CFAP263: variants seen among roughly 807,000 people sequenced by gnomAD.
CFAP263 encodes cilia and flagella associated protein 263, also known as cilia- and flagella-associated protein 263.
the CFAP263 span, chr16:58,258,488 G>A: frequency 6.2e-7 from 1 of 1,614,020 alleles, no homozygotes; most frequent in Non-Finnish European, 8.5e-7. Flanking sequence ...CACTCAGAAA[G>A]TGATGAAATA....
chr16:58,251,201 G>T, the CFAP263 span, among the ~76,000 whole-genome samples: 3 of 152,174 alleles, frequency 2.0e-5, no homozygotes, highest in African/African-American at 4.8e-5. Flanking sequence ...ACCCTAGGAA[G>T]TGGGTAAGGA....
the CFAP263 span, chr16:58,267,677 T>G: frequency 9.2e-6 from 7 of 764,166 alleles, no homozygotes; most frequent in African/African-American, 1.2e-4. Context: ...TAAGCCACCT[T>G]GCTGGTTTAT....
the CFAP263 span, among the ~76,000 whole-genome samples, chr16:58,270,481 A>G: frequency 2.0e-5 from 3 of 152,288 alleles, no homozygotes; most frequent in Admixed American, 6.5e-5. Flanking sequence ...AAAGTAAAAA[A>G]AAAAAACTTA....
the CFAP263 span, chr16:58,280,513 G>A: frequency 5.0e-6 from 8 of 1,614,190 alleles, no homozygotes; most frequent in Non-Finnish European, 6.8e-6. Flanking sequence ...ATCAGAATAT[G>A]TCTTCTGTGT....
At chr16:58,267,030 C>T in the CFAP263 span, among the ~76,000 whole-genome samples, 1 of 152,164 alleles carries the variant, frequency 6.6e-6, no homozygotes, top group Non-Finnish European at 1.5e-5. Flanking sequence ...TAGCACCCAC[C>T]TCATGAGGAG....
At chr16:58,264,609 G>A in the CFAP263 span, among the ~76,000 whole-genome samples, 1 of 152,178 alleles carries the variant, frequency 6.6e-6, no homozygotes, top group South Asian at 2.1e-4. Context: ...GTGTCACCAG[G>A]ATGGTGCTCT....
the CFAP263 span, among the ~76,000 whole-genome samples, chr16:58,263,122 G>A: frequency 6.6e-6 from 1 of 152,180 alleles, no homozygotes; most frequent in Non-Finnish European, 1.5e-5. Context: ...CACACAAAGG[G>A]CCTGGCCCCA....
chr16:58,270,856 C>T, the CFAP263 span, among the ~76,000 whole-genome samples: 1 of 152,154 alleles, frequency 6.6e-6, no homozygotes, highest in African/African-American at 2.4e-5. Context: ...CAGAGTTTGT[C>T]GTATTAACCT....
At chr16:58,258,293 A>G in the CFAP263 span, 1,963 of 1,367,176 alleles carry the variant, frequency 1.4e-3, 42 homozygotes, top group African/African-American at 0.025. Flanking sequence ...AGGCCTGGGA[A>G]CTTAGGTTTT....
the CFAP263 span, chr16:58,259,883 A>G: frequency 6.2e-7 from 1 of 1,602,652 alleles, no homozygotes; most frequent in Non-Finnish European, 8.5e-7. Flanking sequence ...TACGTTTGAA[A>G]AATGTTTCTC....
chr16:58,252,806 C>A, the CFAP263 span: 4 of 1,613,446 alleles, frequency 2.5e-6, 1 homozygote, highest in South Asian at 4.4e-5. Flanking sequence ...GGATCAGCGA[C>A]CTCCACGATT....
the CFAP263 span, among the ~76,000 whole-genome samples, chr16:58,261,473 C>T: frequency 6.6e-6 from 1 of 152,292 alleles, no homozygotes; most frequent in African/African-American, 2.4e-5. Context: ...AACACAGACA[C>T]GGGCCCTGCC....
At chr16:58,276,104 C>T in the CFAP263 span, among the ~76,000 whole-genome samples, 1,229 of 152,022 alleles carry the variant, frequency 8.1e-3, 14 homozygotes, top group African/African-American at 0.028. Context: ...TATAGATCAA[C>T]AAGAAAAAAC....
the CFAP263 span, chr16:58,278,466 G>C: frequency 1.9e-6 from 3 of 1,613,004 alleles, no homozygotes; most frequent in Non-Finnish European, 2.5e-6. Flanking sequence ...GGTGTAACTG[G>C]TCCTTCCCAA....
chr16:58,253,381 A>C, the CFAP263 span, among the ~76,000 whole-genome samples: 1 of 151,894 alleles, frequency 6.6e-6, no homozygotes, highest in Non-Finnish European at 1.5e-5. Flanking sequence ...ACTCTGTCTC[A>C]AAAAAATTAA....
the CFAP263 span, chr16:58,280,119 A>C: frequency 8.5e-7 from 1 of 1,172,370 alleles, no homozygotes; most frequent in Admixed American, 2.3e-5. Flanking sequence ...TATCCGTGGC[A>C]GCCCCAGTGT....
the CFAP263 span, among the ~76,000 whole-genome samples, chr16:58,255,863 C>G: frequency 6.6e-6 from 1 of 152,124 alleles, no homozygotes; most frequent in Non-Finnish European, 1.5e-5. Flanking sequence ...GCGCCCGGCC[C>G]CTAGGTCAGC....
At chr16:58,254,111 C>T in the CFAP263 span, 1 of 1,614,218 alleles carries the variant, frequency 6.2e-7, no homozygotes, top group Non-Finnish European at 8.5e-7. Context: ...TGAAGGATGA[C>T]TTACGACACA....
chr16:58,257,810 T>C, the CFAP263 span, among the ~76,000 whole-genome samples: 4 of 152,142 alleles, frequency 2.6e-5, no homozygotes, highest in Admixed American at 1.3e-4. Flanking sequence ...GAAATACATA[T>C]TTAGATAGAT....
Sources: gnomAD v4.1 joint callset for allele counts (sites outside exome capture counted in the v4.1 genomes callset) on GRCh38, gnomAD v4.1.1 for gene constraint, MANE v1.5 for transcripts, NCBI Gene and HGNC (gene_info 2026-07-23, HGNC 2026-07-21) for gene names.